Variants in SNTG2 observed in about 807,000 individuals in gnomAD.
SNTG2 encodes the protein syntrophin gamma 2, also known as gamma-2-syntrophin.
In SNTG2, 74 loss-of-function variants were observed where a neutral mutation model predicts 70.9. That is an observed-to-expected ratio of 1.04 (90% confidence interval 0.86 to 1.27). SNTG2 has a LOEUF of 1.27. Among genes scored for constraint, SNTG2 ranks in the 50% most tolerant of loss-of-function variants. The pLI, the probability that SNTG2 is intolerant of heterozygous loss-of-function variation, is 0.00. For synonymous variants in SNTG2, 278 were observed against 273.8 expected (o/e 1.02, Z -0.15); for missense variants, 717 against 690.7 (o/e 1.04, Z -0.43).
intron 12 of SNTG2, among the ~76,000 whole-genome samples, chr2:1,253,083 G>T (rs1677857610): frequency 6.6e-6 from 1 of 152,064 alleles, no homozygotes; most frequent in African/African-American, 2.4e-5. Context: ...TCAGAGACAG[G>T]TTGTTAATTA....
chr2:1,357,697 G>A (rs180954006), intron 16 of SNTG2, among the ~76,000 whole-genome samples: 2 of 151,898 alleles, frequency 1.3e-5, no homozygotes, highest in Admixed American at 6.6e-5. Flanking sequence ...CTCCTTCCTA[G>A]TTAGTGGTAT....
chr2:1,060,698 A>G (rs1380027540), intron 1 of SNTG2, among the ~76,000 whole-genome samples: 2 of 152,242 alleles, frequency 1.3e-5, no homozygotes, highest in Non-Finnish European at 2.9e-5. Context: ...ATTTGAATGA[A>G]ATAGTGAGTT....
chr2:1,102,112 G>A (rs1175043650), intron 4 of SNTG2, among the ~76,000 whole-genome samples: 1 of 152,206 alleles, frequency 6.6e-6, no homozygotes, highest in Non-Finnish European at 1.5e-5. Flanking sequence ...GGAGAAGGCA[G>A]GCAGTGAACA....
intron 1 of SNTG2, among the ~76,000 whole-genome samples, chr2:956,210 TGCCCCTGCCCC>T (rs1333828102): frequency 1.3e-4 from 7 of 54,902 alleles, no homozygotes; most frequent in Admixed American, 9.0e-4. Flanking sequence ...CCACTGCCCC[TGCCCCTGCCCC>T]GCCCCTGCCC....
chr2:1,224,659 C>A (rs551966823), intron 9 of SNTG2, among the ~76,000 whole-genome samples: 1 of 152,360 alleles, frequency 6.6e-6, no homozygotes, highest in African/African-American at 2.4e-5. Flanking sequence ...TTCCCCTCAC[C>A]TCATTCTCAG....
intron 13 of SNTG2, chr2:1,262,910 T>C (rs890486180): frequency 2.6e-5 from 4 of 152,160 alleles, no homozygotes; most frequent in African/African-American, 4.8e-5. Context: ...ACTTCAGTGC[T>C]CAGGGTTTCC....
intron 8 of SNTG2, among the ~76,000 whole-genome samples, chr2:1,190,675 A>T (rs4476383): frequency 2.6e-5 from 4 of 151,264 alleles, no homozygotes; most frequent in African/African-American, 9.7e-5. Context: ...TACACAAAAT[A>T]TATAATTGAA....
Position 1,285,157 on chromosome 2 carries a change from A to G in SNTG2, c.1284+17586A>G, listed in dbSNP as rs1438780443. Reference sequence around the variant, plus strand: ...AGATGTAGGCTGGGAGGCTAGGCCAATCTAGACTTTTCATGTTTTTCTGCC... The same window carrying G: ...AGATGTAGGCTGGGAGGCTAGGCCAGTCTAGACTTTTCATGTTTTTCTGCC... On this transcript the variant is annotated intron_variant, in intron 14 of 16. Transcript: ENST00000308624. 2.6e-5 allele frequency among the ~76,000 whole-genome samples: 4 copies of G among 152,238 alleles called. No homozygotes were observed. In the East Asian group the frequency reaches 5.8e-4, roughly 22 times the overall value.
At chr2:1,211,563 C>G (rs1165446791) in intron 9 of SNTG2, among the ~76,000 whole-genome samples, 1 of 152,158 alleles carries the variant, frequency 6.6e-6, no homozygotes, top group Non-Finnish European at 1.5e-5. Context: ...ACTCACAGTT[C>G]TACATGACTG....
chr2:1,081,371 GT>G (rs1291931159), intron 1 of SNTG2, among the ~76,000 whole-genome samples: 2 of 152,220 alleles, frequency 1.3e-5, no homozygotes, highest in African/African-American at 4.8e-5. Context: ...GTTTCATCCT[GT>G]TTCATGCTGG....
At chr2:996,836 ACTGT>A (rs1456225039) in intron 1 of SNTG2, among the ~76,000 whole-genome samples, 1 of 151,464 alleles carries the variant, frequency 6.6e-6, no homozygotes, top group Non-Finnish European at 1.5e-5. Flanking sequence ...AAGTTTGAAA[ACTGT>A]CTGATTCCTT....
At chr2:1,153,043 G>A (rs1572579438) in intron 6 of SNTG2, among the ~76,000 whole-genome samples, 1 of 151,930 alleles carries the variant, frequency 6.6e-6, no homozygotes, top group African/African-American at 2.4e-5. Context: ...AGAATTGCTT[G>A]AACCCAGGAG....
chr2:1,066,559 T>C (rs1027662664), intron 1 of SNTG2, among the ~76,000 whole-genome samples: 1 of 151,942 alleles, frequency 6.6e-6, no homozygotes, highest in African/African-American at 2.4e-5. Context: ...TTGGTGCAAG[T>C]TTGGCTTTGG....
chr2:1,116,810 G>T (rs538637655), intron 4 of SNTG2, among the ~76,000 whole-genome samples: 27 of 144,698 alleles, frequency 1.9e-4, no homozygotes, highest in Non-Finnish European at 3.6e-4. Flanking sequence ...TGGTTTACGG[G>T]TTTCCTGGTC....
intron 11 of SNTG2, among the ~76,000 whole-genome samples, chr2:1,244,583 C>T (rs1331094648): frequency 1.3e-5 from 2 of 151,030 alleles, no homozygotes; most frequent in East Asian, 3.9e-4. Flanking sequence ...CTGGTCCCAG[C>T]TACTCGGGAG....
chr2:1,273,939 A>C (rs1679164126), intron 14 of SNTG2, among the ~76,000 whole-genome samples: 1 of 152,246 alleles, frequency 6.6e-6, no homozygotes, highest in South Asian at 2.1e-4. Flanking sequence ...ATGCATAAAA[A>C]GATCTCAAAG....
intron 6 of SNTG2, among the ~76,000 whole-genome samples, chr2:1,150,021 G>A (rs1257260082): frequency 5.3e-4 from 81 of 152,236 alleles, no homozygotes; most frequent in East Asian, 9.6e-4. Context: ...GCACTCCTCC[G>A]TTATTAAAAT....
At chr2:1,151,806 A>G (rs777148199) in intron 6 of SNTG2, among the ~76,000 whole-genome samples, 1 of 152,074 alleles carries the variant, frequency 6.6e-6, no homozygotes, top group Non-Finnish European at 1.5e-5. Flanking sequence ...TGCTCACATG[A>G]TTTTACCTAA....
intron 14 of SNTG2, among the ~76,000 whole-genome samples, chr2:1,272,377 CAGG>C (rs1679069134): frequency 6.9e-6 from 1 of 145,710 alleles, no homozygotes; most frequent in Non-Finnish European, 1.5e-5. Context: ...GCTCATCTGA[CAGG>C]AGGCAGAGGT....
Sources: gnomAD v4.1 joint callset for allele counts (sites outside exome capture counted in the v4.1 genomes callset) on GRCh38, gnomAD v4.1.1 for gene constraint, MANE v1.5 for transcripts, NCBI Gene and HGNC (gene_info 2026-07-23, HGNC 2026-07-21) for gene names.